The following ADGRL2 variants were observed in gnomAD, a reference collection of about 807,000 sequenced individuals.
ADGRL2 encodes the protein adhesion G protein-coupled receptor L2, also known as calcium-independent alpha-latrotoxin receptor 2.
Under a neutral mutation model 157.4 loss-of-function variants are expected in ADGRL2, and 44 were observed. That is an observed-to-expected ratio of 0.28 (90% CI 0.22 to 0.36). The LOEUF is 0.36. ADGRL2 is among the 10% of genes least tolerant of loss of function. The pLI is 1.00. For missense variants in ADGRL2, 1,510 were observed against 1,768.9 expected (o/e 0.85, Z 2.63); for synonymous variants, 585 against 624.7 (o/e 0.94, Z 0.95).
chr1:81,824,109 T>G (rs1323501594), intron 1 of ADGRL2, among the ~76,000 whole-genome samples: 2 of 152,164 alleles, frequency 1.3e-5, no homozygotes, highest in Admixed American at 1.3e-4. Context: ...GTGACATTAC[T>G]TGTGCATTTG....
intron 1 of ADGRL2, among the ~76,000 whole-genome samples, chr1:81,365,390 T>C (rs185509755): frequency 2.0e-5 from 3 of 151,932 alleles, no homozygotes; most frequent in African/African-American, 7.2e-5. Flanking sequence ...TAATCTTGTA[T>C]TGCACTTTCA....
intron 14 of ADGRL2, among the ~76,000 whole-genome samples, chr1:81,968,634 G>A (rs1006720383): frequency 5.9e-5 from 9 of 152,098 alleles, no homozygotes; most frequent in Non-Finnish European, 1.2e-4. Flanking sequence ...ATGGCTTCTG[G>A]AATATGTCTC....
intron 3 of ADGRL2, among the ~76,000 whole-genome samples, chr1:81,927,187 T>A (rs2095127220): frequency 6.6e-6 from 1 of 152,004 alleles, no homozygotes; most frequent in African/African-American, 2.4e-5. Flanking sequence ...TAGAATTGAT[T>A]TTCCATAGGA....
In ADGRL2 at chr1:81,723,773, T is replaced by C. The variant is rs559936012; in HGVS notation, c.-143+23965T>C. On this transcript the variant is annotated intron_variant, in intron 1 of 20. Transcript: ENST00000359929. ...AGTGGCAATCTTGCTGTGTTTTATA[T>C]AACATGCATCTTTGGGCAGGTTTGC... Among the ~76,000 whole-genome samples the C allele has an allele frequency of 2.6e-5, 4 of 152,346 alleles. No homozygotes were observed. In the South Asian group the frequency reaches 8.3e-4, roughly 32 times the overall value.
intron 1 of ADGRL2, among the ~76,000 whole-genome samples, chr1:81,831,779 GAT>G (rs2091961592): frequency 1.3e-5 from 2 of 151,990 alleles, no homozygotes; most frequent in South Asian, 4.1e-4. Context: ...TCTCCCTGTG[GAT>G]GAGAAATTTT....
chr1:81,986,870 GT>G, intron 21 of ADGRL2, 30 bp from the exon 22 acceptor site: 3 of 1,581,540 alleles, frequency 1.9e-6, no homozygotes, highest in Non-Finnish European at 1.7e-6. Context: ...ACTTTTCTCT[GT>G]TTTTTTGTTG....
chr1:81,818,844 C>T (rs1042465252), intron 1 of ADGRL2, among the ~76,000 whole-genome samples: 1 of 151,816 alleles, frequency 6.6e-6, no homozygotes, highest in Non-Finnish European at 1.5e-5. Context: ...AAAAAGAGAC[C>T]CCATTTATTT....
At chr1:81,723,066 G>A (rs777691186) in intron 1 of ADGRL2, 54 of 742,238 alleles carry the variant, frequency 7.3e-5, no homozygotes, top group Middle Eastern at 3.9e-4. Context: ...TGGGAGTCAA[G>A]CACAGTGCCC....
intron 15 of ADGRL2, among the ~76,000 whole-genome samples, chr1:81,969,914 A>G (rs1658217922): frequency 6.6e-6 from 1 of 152,166 alleles, no homozygotes; most frequent in African/African-American, 2.4e-5. Flanking sequence ...CATTATAGAA[A>G]AAAATAGAAA....
chr1:81,802,700 C>A (rs950460210), intron 1 of ADGRL2, among the ~76,000 whole-genome samples: 1 of 152,232 alleles, frequency 6.6e-6, no homozygotes, highest in Admixed American at 6.5e-5. Context: ...CGGGGCCACC[C>A]CAGCGTCCCG....
chr1:81,785,542 G>T (rs2087002187), intron 2 of ADGRL2, among the ~76,000 whole-genome samples: 1 of 151,884 alleles, frequency 6.6e-6, no homozygotes, highest in Admixed American at 6.6e-5. Context: ...AGCCTGGGCA[G>T]CATAGGGAGA....
At chr1:81,320,668 A>C (rs865995142) in intron 1 of ADGRL2, among the ~76,000 whole-genome samples, 34 of 152,224 alleles carry the variant, frequency 2.2e-4, no homozygotes, top group African/African-American at 8.0e-4. Flanking sequence ...TTCTTTTCTG[A>C]GCAGTGGGTC....
chr1:81,391,516 C>G (rs1292102617), intron 1 of ADGRL2, among the ~76,000 whole-genome samples: 2 of 152,296 alleles, frequency 1.3e-5, no homozygotes, highest in African/African-American at 4.8e-5. Flanking sequence ...CCAATCATTT[C>G]CTATCTGTGG....
At chr1:81,465,248 T>C (rs970413539) in intron 2 of ADGRL2, among the ~76,000 whole-genome samples, 5 of 152,190 alleles carry the variant, frequency 3.3e-5, no homozygotes, top group African/African-American at 1.2e-4. Context: ...GTCAACTCAT[T>C]GACAATTATA....
intron 1 of ADGRL2, among the ~76,000 whole-genome samples, chr1:81,704,620 C>G (rs1371809497): frequency 1.3e-5 from 2 of 152,192 alleles, no homozygotes; most frequent in Admixed American, 6.5e-5. Context: ...CTCTGCTTTC[C>G]TCTTCCCCAC....
intron 2 of ADGRL2, among the ~76,000 whole-genome samples, chr1:81,773,653 T>C (rs2086463959): frequency 6.6e-6 from 1 of 152,188 alleles, no homozygotes; most frequent in African/African-American, 2.4e-5. Flanking sequence ...TCTTGAGCGT[T>C]CACATGACCT....
At chr1:81,366,468 T>G (rs1218712730) in intron 1 of ADGRL2, among the ~76,000 whole-genome samples, 1 of 152,204 alleles carries the variant, frequency 6.6e-6, no homozygotes, top group African/African-American at 2.4e-5. Context: ...ACACAGAACT[T>G]ATTTTATACA....
intron 4 of ADGRL2, among the ~76,000 whole-genome samples, chr1:81,940,262 T>A (rs1014268334): frequency 6.6e-6 from 1 of 151,526 alleles, no homozygotes; most frequent in African/African-American, 2.4e-5. Flanking sequence ...GAAAAAAGCA[T>A]ACAGCTGTAT....
chr1:81,324,008 C>A (rs1660711233), intron 1 of ADGRL2, among the ~76,000 whole-genome samples: 1 of 152,160 alleles, frequency 6.6e-6, no homozygotes, highest in African/African-American at 2.4e-5. Context: ...CCAGGAGAAG[C>A]TCCCGAAGAA....
Sources: gnomAD v4.1 joint callset for allele counts (sites outside exome capture counted in the v4.1 genomes callset) on GRCh38, gnomAD v4.1.1 for gene constraint, MANE v1.5 for transcripts, NCBI Gene and HGNC (gene_info 2026-07-23, HGNC 2026-07-21) for gene names.